The following RBMS3 variants were observed in gnomAD, a reference collection of about 807,000 sequenced individuals.
RBMS3 encodes RNA binding motif single stranded interacting protein 3.
A neutral mutation model predicts 66.8 loss-of-function variants in RBMS3; 27 were observed. The observed-to-expected ratio is 0.40, with a 90% CI of 0.30 to 0.56. RBMS3 has a LOEUF of 0.56. Ranked by LOEUF, RBMS3 falls within the 20% of genes least tolerant of loss-of-function variation. The pLI is 0.40. For missense variants in RBMS3, 513 were observed against 549.5 expected (o/e 0.93, Z 0.66); for synonymous variants, 188 against 183.0 (o/e 1.03, Z -0.22).
At chr3:29,346,535 C>T (rs923138629) in intron 1 of RBMS3, among the ~76,000 whole-genome samples, 4 of 150,972 alleles carry the variant, frequency 2.6e-5, no homozygotes, top group African/African-American at 9.7e-5. Context: ...TCTCGAGTAG[C>T]TGGGATTACA....
rs996368463 is a variant in RBMS3, at chr3:29,868,752, A to G, written c.638-106A>G. On this transcript the variant is annotated intron_variant, in intron 6 of 14. Transcript: ENST00000383767. ...GGCCAAATATCTCTTCAGAAGCAAG[A>G]TGTTACTTCAAAAGATACTCATTAC... is the stretch of plus-strand genomic sequence containing the variant. 41 of 982,130 alleles carry G rather than the reference A, an allele frequency of 4.2e-5. No homozygotes were observed. In the African/African-American group the frequency reaches 6.8e-4, roughly 16 times the overall value. The allele number at this position is 982,130 out of a possible 1,614,324, so 60.8% of individuals were successfully genotyped here. A position where few individuals can be genotyped will look rare whatever the true frequency, so the allele number is the denominator to read the frequency against.
rs761348554 is a variant in RBMS3, at chr3:29,434,886, T to G, written c.219T>G (p.Thr73=). 1 of 1,613,992 alleles carries G rather than the reference T, an allele frequency of 6.2e-7. No individual in the cohort carries two copies. Among genetic ancestry groups the G allele is most frequent in the East Asian group, 2.2e-5 (1 of 44,868 alleles). Residue 73 remains threonine (T), a synonymous_variant, in exon 2 of 15, where the codon ACT becomes ACG. Transcript: ENST00000383767. ...LYIRGLPPGT[T]DQDLIKLCQP... ...TTCGAGGCCTCCCACCAGGCACCACTGACCAGGACCTAATCAAGCTGTGCC... is the reference window on the plus strand; with the variant it reads ...TTCGAGGCCTCCCACCAGGCACCACGGACCAGGACCTAATCAAGCTGTGCC...
At chr3:29,729,440 A>G (rs1223676422) in intron 4 of RBMS3, among the ~76,000 whole-genome samples, 1 of 152,140 alleles carries the variant, frequency 6.6e-6, no homozygotes, top group African/African-American at 2.4e-5. Context: ...TAGTGCCGCA[A>G]TAAACATACG....
intron 4 of RBMS3, among the ~76,000 whole-genome samples, chr3:29,663,927 A>G (rs1287372478): frequency 6.6e-6 from 1 of 152,204 alleles, no homozygotes; most frequent in East Asian, 1.9e-4. Flanking sequence ...GGAATGAATT[A>G]ATTGCTCAAT....
In RBMS3 at chr3:29,527,181, T is replaced by TTAAAAAAAAAAAAAA. The variant is rs1491567884; in HGVS notation, c.307+38682_307+38683insTAAAAAAAAAAAAAA. On this transcript the variant is annotated intron_variant, in intron 3 of 14. Coordinates refer to ENST00000383767, the MANE Select transcript of RBMS3 (RefSeq NM_001003793.3). ...TTTCAGACGTGATTGTTAGGTAGAG[T>TTAAAAAAAAAAAAAA]AAAAAAAAAAAAAAAAAAAAAAAAA... 2.7e-3 allele frequency among the ~76,000 whole-genome samples: 234 copies of TTAAAAAAAAAAAAAA among 87,810 alleles called. 20 individuals carry two copies. The highest frequency in any genetic ancestry group is 5.5e-3 in the African/African-American group (115 of 21,064). The allele number at this position is 87,810 out of a possible 152,430, so 57.6% of individuals were successfully genotyped here.
At chr3:29,721,385 G>A (rs577366375) in intron 4 of RBMS3, among the ~76,000 whole-genome samples, 40 of 152,214 alleles carry the variant, frequency 2.6e-4, no homozygotes, top group African/African-American at 9.6e-4. Flanking sequence ...TATTAAATAT[G>A]TATTTTTTTC....
At chr3:29,785,807 C>T (rs1028090902) in intron 6 of RBMS3, among the ~76,000 whole-genome samples, 2 of 152,196 alleles carry the variant, frequency 1.3e-5, no homozygotes, top group Middle Eastern at 3.4e-3. Context: ...AGTTTCACCA[C>T]TTCTGTTGAA....
chr3:29,686,833 T>C (rs2051753415), intron 4 of RBMS3, among the ~76,000 whole-genome samples: 1 of 152,206 alleles, frequency 6.6e-6, no homozygotes, highest in Non-Finnish European at 1.5e-5. Flanking sequence ...CAAATGTTTA[T>C]TGTTTATTTT....
rs978247389 is a variant in RBMS3 at position 30,009,502 on chromosome 3, T to G, written c.*5640T>G. ...GTTGGCTAAATTCTTGCAGAATATA[T>G]GGGAAAAAAATCATAGCAAAGAATT... On this transcript the variant is annotated 3_prime_UTR_variant, in exon 15 of 15. Coordinates refer to ENST00000383767, the MANE Select transcript of RBMS3 (RefSeq NM_001003793.3). 2.0e-5 allele frequency: 3 copies of G among 152,092 alleles called. No individual in the cohort carries two copies. Among genetic ancestry groups the G allele is most frequent in the Non-Finnish European group, 4.4e-5 (3 of 67,992 alleles). 9.4% of individuals were successfully genotyped at this position (152,092 alleles called of 1,614,324 possible).
intron 3 of RBMS3, among the ~76,000 whole-genome samples, chr3:29,522,391 A>G (rs1029802783): frequency 6.6e-6 from 1 of 152,094 alleles, no homozygotes; most frequent in African/African-American, 2.4e-5. Flanking sequence ...ACGGGGTTTT[A>G]TCACGTTGGC....
At chr3:29,810,083 A>G (rs993896291) in intron 6 of RBMS3, among the ~76,000 whole-genome samples, 5 of 152,144 alleles carry the variant, frequency 3.3e-5, no homozygotes, top group Admixed American at 3.3e-4. Flanking sequence ...AATCTAAAGA[A>G]ATAGCATAGT....
intron 1 of RBMS3, among the ~76,000 whole-genome samples, chr3:29,302,873 T>C (rs1192074981): frequency 1.3e-5 from 2 of 152,042 alleles, no homozygotes; most frequent in African/African-American, 4.8e-5. Flanking sequence ...TCAGCAAACT[T>C]CCTATGCTTT....
At chr3:29,743,986 A>T (rs896373484) in intron 5 of RBMS3, among the ~76,000 whole-genome samples, 2 of 144,300 alleles carry the variant, frequency 1.4e-5, no homozygotes, top group Admixed American at 7.2e-5. Flanking sequence ...ATGAGTGAGA[A>T]CATGCGGTGT....
At chr3:29,569,875 G>T (rs1482928931) in intron 3 of RBMS3, among the ~76,000 whole-genome samples, 1 of 152,100 alleles carries the variant, frequency 6.6e-6, no homozygotes, top group Non-Finnish European at 1.5e-5. Flanking sequence ...AAGGCAAACT[G>T]TATAGCTCAG....
rs376565166 is a variant in RBMS3 at position 29,993,916 on chromosome 3, C to CGGGG, written c.1307+2710_1307+2713dup. 3.3e-5 allele frequency among the ~76,000 whole-genome samples: 5 copies of CGGGG among 152,174 alleles called. No individual in the cohort carries two copies. In the East Asian group the frequency reaches 7.7e-4, roughly 24 times the overall value. On this transcript the variant is annotated intron_variant, in intron 14 of 14. Transcript: ENST00000383767. The stretch of plus-strand genomic sequence containing the variant: ...TTCTTATTTTAAAAAATCTCTGTAT[C>CGGGG]GGGGGGAGGAACCAAGATGGCCGAA...
intron 6 of RBMS3, among the ~76,000 whole-genome samples, chr3:29,789,955 T>G (rs1010074034): frequency 1.3e-5 from 2 of 152,156 alleles, no homozygotes; most frequent in Non-Finnish European, 2.9e-5. Context: ...TTTAAGTCAC[T>G]TCCACTTCAC....
rs977151888 is a variant in RBMS3 at position 29,814,081 on chromosome 3, A to G, written c.637+51092A>G. 6.9e-3 allele frequency among the ~76,000 whole-genome samples: 1,042 copies of G among 151,954 alleles called. 9 individuals are homozygous for G. The highest frequency in any genetic ancestry group is 0.024 in the African/African-American group (993 of 41,322). On this transcript the variant is annotated intron_variant, in intron 6 of 14. Coordinates refer to ENST00000383767, the MANE Select transcript of RBMS3 (RefSeq NM_001003793.3). ...GCCAGTTTTCAAAGGGAATGCTTCC[A>G]GTTTTTGTCCATTCAGTATGATAAT...
At chr3:29,549,956 C>T (rs1420843528) in intron 3 of RBMS3, among the ~76,000 whole-genome samples, 1 of 151,996 alleles carries the variant, frequency 6.6e-6, no homozygotes, top group Non-Finnish European at 1.5e-5. Flanking sequence ...TATATATAGG[C>T]ATTAAAAAAA....
At chr3:29,989,782 A>G (rs1433086242) in intron 13 of RBMS3, among the ~76,000 whole-genome samples, 1 of 152,202 alleles carries the variant, frequency 6.6e-6, no homozygotes. Flanking sequence ...AGAATATATG[A>G]TTAAATTTCA....
Sources: gnomAD v4.1 joint callset for allele counts (sites outside exome capture counted in the v4.1 genomes callset) on GRCh38, gnomAD v4.1.1 for gene constraint, MANE v1.5 for transcripts, NCBI Gene and HGNC (gene_info 2026-07-23, HGNC 2026-07-21) for gene names.